ROBO2: variants seen among roughly 807,000 people sequenced by gnomAD.
ROBO2 encodes roundabout homolog 2.
ROBO2 carries 53 observed loss-of-function variants against 160.8 expected under a neutral mutation model. That is an observed-to-expected ratio of 0.33 (90% confidence interval 0.26 to 0.41). The LOEUF is 0.41. Ranked by LOEUF, ROBO2 falls within the 10% of genes least tolerant of loss-of-function variation. The pLI, the probability that ROBO2 is intolerant of heterozygous loss-of-function variation, is 1.00. For missense variants in ROBO2, 1,577 were observed against 1,722.4 expected, an observed-to-expected ratio of 0.92 and a Z score of 1.49; for synonymous variants, 664 against 611.7, an observed-to-expected ratio of 1.09 and a Z score of -1.26.
chr3:77,049,918 A>C (rs1285052499), intron 1 of ROBO2, among the ~76,000 whole-genome samples: 1 of 152,210 alleles, frequency 6.6e-6, no homozygotes, highest in Admixed American at 6.5e-5. Flanking sequence ...AGTGTGATTC[A>C]AAAAGGGAGA....
At chr3:77,053,508 G>A (rs944615814) in intron 1 of ROBO2, among the ~76,000 whole-genome samples, 4 of 152,042 alleles carry the variant, frequency 2.6e-5, no homozygotes, top group Admixed American at 6.6e-5. Flanking sequence ...TGTTAAGAGG[G>A]GGTAATACCC....
chr3:76,538,887 T>C (rs2082662976), intron 2 of ROBO2, among the ~76,000 whole-genome samples: 1 of 152,160 alleles, frequency 6.6e-6, no homozygotes, highest in Admixed American at 6.5e-5. Flanking sequence ...CTGTAATATA[T>C]CTAGTGGAAT....
At chr3:76,209,041 CA>C (rs1204538527) in intron 2 of ROBO2, among the ~76,000 whole-genome samples, 4 of 151,936 alleles carry the variant, frequency 2.6e-5, no homozygotes, top group African/African-American at 9.7e-5. Flanking sequence ...TGAAAATGGG[CA>C]AAAAAATTGT....
chr3:76,066,988 T>C lies in ROBO2; in HGVS notation c.109+129386T>C, dbSNP rs138473462. ...GCTTTAATGTGAATTCTTGATTAGC[T>C]CTTTCGAAACAAAGACACTTTCCAT... is the stretch of plus-strand genomic sequence containing the variant. On this transcript the variant is annotated intron_variant, in intron 2 of 26. Coordinates refer to the ROBO2 transcript ENST00000487694. 9.7e-3 allele frequency among the ~76,000 whole-genome samples: 1,485 copies of C among 152,310 alleles called. 29 individuals carry two copies. The highest frequency in any genetic ancestry group is 0.034 in the African/African-American group (1,428 of 41,560).
rs572634696 is a variant in ROBO2 at position 75,963,940 on chromosome 3, T to A, written c.109+26338T>A. On this transcript the variant is annotated intron_variant, in intron 2 of 26. Transcript: ENST00000487694. Reference sequence around the variant, plus strand: ...CCCACCCCGAGGGCCTCATTTTAACTGAATTCTTATTTAAATCATCCGAAT... The same window carrying A: ...CCCACCCCGAGGGCCTCATTTTAACAGAATTCTTATTTAAATCATCCGAAT... Among the ~76,000 whole-genome samples the A allele has an allele frequency of 3.8e-4, 58 of 151,946 alleles. 1 individual carries two copies. The highest frequency in any genetic ancestry group is 1.3e-3 in the African/African-American group (53 of 41,520).
rs538256870 is a variant in ROBO2, at chr3:76,465,012, T to A, written c.109+527410T>A. On this transcript the variant is annotated intron_variant, in intron 2 of 26. Coordinates refer to the ROBO2 transcript ENST00000487694. ...CTTTTTCAAAAAGAAAAGAAACTCATCAAGGGAAGGTATTCTATTGGTTTG... is the reference window on the plus strand; with the variant it reads ...CTTTTTCAAAAAGAAAAGAAACTCAACAAGGGAAGGTATTCTATTGGTTTG... Among the ~76,000 whole-genome samples, 3 of 152,238 alleles carry A rather than the reference T, an allele frequency of 2.0e-5. No individual in the cohort carries two copies. In the East Asian group the frequency reaches 5.8e-4, roughly 29 times the overall value.
At chr3:76,026,864 G>A (rs190118242) in intron 2 of ROBO2, among the ~76,000 whole-genome samples, 4 of 151,946 alleles carry the variant, frequency 2.6e-5, no homozygotes, top group Admixed American at 2.6e-4. Context: ...AGTGAAAAGG[G>A]CCAAGTCATT....
intron 2 of ROBO2, among the ~76,000 whole-genome samples, chr3:76,517,166 C>A (rs1045646754): frequency 1.3e-5 from 2 of 152,034 alleles, no homozygotes; most frequent in African/African-American, 2.4e-5. Flanking sequence ...TGGGGACATG[C>A]GTGCATGTGA....
At chr3:75,935,878 A>C (rs1005347155) in intron 1 of ROBO2, among the ~76,000 whole-genome samples, 3 of 152,168 alleles carry the variant, frequency 2.0e-5, no homozygotes, top group African/African-American at 7.2e-5. Context: ...TCTCCACAAG[A>C]GTACCCATAA....
chr3:77,010,908 T>C (rs2061855532), intron 2 of ROBO2, among the ~76,000 whole-genome samples: 1 of 136,606 alleles, frequency 7.3e-6, no homozygotes, highest in African/African-American at 2.6e-5. Flanking sequence ...TCTCCTTCCT[T>C]TCTTCCTTCC....
At chr3:76,984,572 G>T (rs2060271932) in intron 2 of ROBO2, among the ~76,000 whole-genome samples, 1 of 152,068 alleles carries the variant, frequency 6.6e-6, no homozygotes, top group Non-Finnish European at 1.5e-5. Flanking sequence ...CCAGATGAGG[G>T]TTAAACCCTT....
chr3:77,515,404 G>C (rs1002527714), intron 5 of ROBO2, among the ~76,000 whole-genome samples: 1 of 151,624 alleles, frequency 6.6e-6, no homozygotes, highest in East Asian at 1.9e-4. Context: ...ATTCAAATCT[G>C]TATGTTAAAA....
intron 1 of ROBO2, among the ~76,000 whole-genome samples, chr3:75,916,861 T>G (rs568925650): frequency 9.5e-4 from 144 of 151,868 alleles, no homozygotes; most frequent in African/African-American, 3.4e-3. Context: ...AACACCTCTA[T>G]TTGTTGTATA....
At chr3:76,138,838 A>G (rs141491230) in intron 2 of ROBO2, among the ~76,000 whole-genome samples, 16 of 152,132 alleles carry the variant, frequency 1.1e-4, no homozygotes, top group African/African-American at 3.4e-4. Context: ...AGCATCTTTC[A>G]GACATTTCAA....
chr3:77,414,565 C>T (rs908308419), intron 2 of ROBO2, among the ~76,000 whole-genome samples: 1 of 152,010 alleles, frequency 6.6e-6, no homozygotes, highest in African/African-American at 2.4e-5. Context: ...ATTGCTGAAG[C>T]AAAGTACTTG....
chr3:76,764,191 T>G lies in ROBO2; in HGVS notation c.110-333823T>G, dbSNP rs2608163. Among the ~76,000 whole-genome samples, 29 of 151,360 alleles carry G rather than the reference T, an allele frequency of 1.9e-4. No homozygotes were observed. In the South Asian group the frequency reaches 6.0e-3, roughly 31 times the overall value. On this transcript the variant is annotated intron_variant, in intron 2 of 26. Coordinates refer to the ROBO2 transcript ENST00000487694. The stretch of plus-strand genomic sequence containing the variant: ...CTGTTGCTTTCTCTGTTTTGATTAC[T>G]GTATGTAAATGCAAATACTGAACGA...
intron 2 of ROBO2, among the ~76,000 whole-genome samples, chr3:76,959,221 A>G (rs76092711): frequency 8.5e-5 from 13 of 152,202 alleles, no homozygotes; most frequent in African/African-American, 3.1e-4. Flanking sequence ...CATTATGTCA[A>G]CATCAAAAAA....
intron 2 of ROBO2, among the ~76,000 whole-genome samples, chr3:76,687,706 C>T (rs1171543192): frequency 1.3e-5 from 2 of 151,934 alleles, no homozygotes; most frequent in Non-Finnish European, 2.9e-5. Flanking sequence ...AAATGGTTAA[C>T]ACAAGTTTTG....
At chr3:77,596,939 T>C (rs1310765682) in intron 19 of ROBO2, among the ~76,000 whole-genome samples, 189 bp downstream of exon 20, 1 of 152,116 alleles carries the variant, frequency 6.6e-6, no homozygotes, top group Non-Finnish European at 1.5e-5. Flanking sequence ...TGTATCTTCA[T>C]TACCTTGAGT....
Sources: gnomAD v4.1 joint callset for allele counts (sites outside exome capture counted in the v4.1 genomes callset) on GRCh38, gnomAD v4.1.1 for gene constraint, MANE v1.5 for transcripts, NCBI Gene and HGNC (gene_info 2026-07-23, HGNC 2026-07-21) for gene names.